ANXA3: variants seen among roughly 807,000 people sequenced by gnomAD.
The protein encoded by ANXA3 is annexin A3.
Under a neutral mutation model 48.8 loss-of-function variants are expected in ANXA3, and 46 were observed. The ratio of observed to expected loss-of-function variants is 0.94; its 90% confidence interval spans 0.74 to 1.21. The LOEUF is 1.21. ANXA3 is among the 50% of genes most tolerant of loss of function. The pLI is 0.00. For synonymous variants in ANXA3, 128 were observed against 134.7 expected, an observed-to-expected ratio of 0.95 and a Z score of 0.35; for missense variants, 383 against 378.6, an observed-to-expected ratio of 1.01 and a Z score of -0.10.
intron 3 of ANXA3, among the ~76,000 whole-genome samples, chr4:78,574,756 T>C (rs1375467867): frequency 1.3e-5 from 2 of 152,254 alleles, no homozygotes; most frequent in African/African-American, 2.4e-5. Context: ...GATGGGAATA[T>C]TGATGGAACA....
chr4:78,559,712 A>G (rs1296138115), intron 2 of ANXA3, among the ~76,000 whole-genome samples: 1 of 152,212 alleles, frequency 6.6e-6, no homozygotes, highest in Non-Finnish European at 1.5e-5. Flanking sequence ...AGAACTCCCT[A>G]ATCATTTAAA....
intron 2 of ANXA3, chr4:78,571,216 G>C (rs1242448385): frequency 6.6e-6 from 1 of 152,090 alleles, no homozygotes; most frequent in African/African-American, 2.4e-5. Flanking sequence ...TTACTGTGTT[G>C]CCCAGGCTGG....
In ANXA3 at chr4:78,586,318, A is replaced by C; in HGVS notation, c.371A>C (p.Gln124Pro). 6.2e-7 allele frequency: 1 copy of C among 1,613,668 alleles called. No homozygotes were observed. The highest frequency in any genetic ancestry group is 8.5e-7 in the Non-Finnish European group (1 of 1,179,738). ...IEILTTRTSR[Q>P]MKDISQAYYT... ...ATCTTAACTACCAGGACAAGCAGGC[A>C]AATGAAGGATATCTCTCAAGCCTAT... The change falls in exon 6 of 13, where the codon CAA becomes CCA. Residue 124 changes from glutamine (Q) to proline (P), a missense_variant. By Grantham distance (76) the Gln-to-Pro change is moderately conservative (BLOSUM62 -1). Coordinates refer to ENST00000264908, the MANE Select transcript of ANXA3 (RefSeq NM_005139.3).
chr4:78,566,043 T>C (rs1361237175), intron 2 of ANXA3, among the ~76,000 whole-genome samples: 5 of 152,138 alleles, frequency 3.3e-5, no homozygotes, highest in Non-Finnish European at 7.3e-5. Flanking sequence ...CACTTTAGAA[T>C]TGCGTATTTT....
At chr4:78,568,854 T>C (rs1159854602) in intron 2 of ANXA3, among the ~76,000 whole-genome samples, 1 of 152,172 alleles carries the variant, frequency 6.6e-6, no homozygotes, top group Non-Finnish European at 1.5e-5. Flanking sequence ...TATATTGTCT[T>C]GAAAAAGATG....
intron 2 of ANXA3, among the ~76,000 whole-genome samples, chr4:78,568,262 G>A (rs551350808): frequency 7.5e-4 from 114 of 152,188 alleles, no homozygotes; most frequent in African/African-American, 2.6e-3. Flanking sequence ...GCTTTTTACT[G>A]GAAAAATTGA....
intron 2 of ANXA3, among the ~76,000 whole-genome samples, chr4:78,556,405 A>G: frequency 6.6e-6 from 1 of 152,214 alleles, no homozygotes; most frequent in East Asian, 1.9e-4. Context: ...AAAATAAAAA[A>G]TTTACGGAAA....
At chr4:78,554,392 G>T in intron 1 of ANXA3, 44 bp from the exon 2 acceptor site, 2 of 1,297,738 alleles carry the variant, frequency 1.5e-6, no homozygotes, top group Non-Finnish European at 1.1e-6. Flanking sequence ...ATTGTGTTCT[G>T]AATCACATAT....
chr4:78,557,461 T>C lies in ANXA3; in HGVS notation c.15+2973T>C, dbSNP rs1722538625. On this transcript the variant is annotated intron_variant, in intron 2 of 12. Transcript: ENST00000264908. ...TCTTTCATCATGAAACACAATACAT[T>C]GACAATTCCCAAGGATTATGATGTA... 3.3e-5 allele frequency among the ~76,000 whole-genome samples: 5 copies of C among 152,176 alleles called. 1 individual carries two copies. The South Asian group carries it at 6.2e-4, about 19-fold the overall frequency.
chr4:78,575,257 G>A (rs187958562), intron 3 of ANXA3, among the ~76,000 whole-genome samples: 10 of 151,330 alleles, frequency 6.6e-5, no homozygotes. Flanking sequence ...CCTCAATACA[G>A]ACTTTTTAAA....
At chr4:78,565,094 A>G (rs1209076004) in intron 2 of ANXA3, among the ~76,000 whole-genome samples, 1 of 151,406 alleles carries the variant, frequency 6.6e-6, no homozygotes, top group African/African-American at 2.4e-5. Context: ...CCTGGGTTCA[A>G]GTGATTCTCC....
intron 2 of ANXA3, among the ~76,000 whole-genome samples, chr4:78,569,068 A>G (rs1223010284): frequency 6.6e-6 from 1 of 152,264 alleles, no homozygotes; most frequent in Non-Finnish European, 1.5e-5. Context: ...CTTGGCACAT[A>G]GTGATTAGCA....
chr4:78,561,638 C>T, intron 2 of ANXA3, among the ~76,000 whole-genome samples: 1 of 152,072 alleles, frequency 6.6e-6, no homozygotes, highest in Non-Finnish European at 1.5e-5. Context: ...TGAACTCCTC[C>T]TCTGGTCTCC....
intron 1 of ANXA3, 137 bp from the exon 2 acceptor site, chr4:78,554,299 G>A: frequency 1.5e-6 from 1 of 655,120 alleles, no homozygotes. Context: ...CCCAATGTCA[G>A]ATATATGCTC....
At chr4:78,602,416 C>T (rs547040821) in intron 11 of ANXA3, 1 of 152,186 alleles carries the variant, frequency 6.6e-6, no homozygotes, top group East Asian at 1.9e-4. Context: ...GAAGTATTGA[C>T]CACATTATTT....
At chr4:78,555,119 C>T (rs1337796512) in intron 2 of ANXA3, among the ~76,000 whole-genome samples, 1 of 152,150 alleles carries the variant, frequency 6.6e-6, no homozygotes, top group Admixed American at 6.5e-5. Context: ...GCAGGAGAAT[C>T]GCCTGAACCT....
At chr4:78,593,113 C>CCACACA (rs59972919) in intron 7 of ANXA3, among the ~76,000 whole-genome samples, 14,990 of 143,908 alleles carry the variant, frequency 0.1, 852 homozygotes, top group South Asian at 0.14. Flanking sequence ...AACACACATA[C>CCACACA]CACACACACA....
intron 2 of ANXA3, among the ~76,000 whole-genome samples, chr4:78,557,634 C>T (rs1045639042): frequency 3.3e-5 from 5 of 151,512 alleles, no homozygotes; most frequent in African/African-American, 1.2e-4. Context: ...GGCAAACCCA[C>T]ACGTGGAGAA....
At chr4:78,597,031 A>G (rs1013136303) in intron 9 of ANXA3, 1 of 228,522 alleles carries the variant, frequency 4.4e-6, no homozygotes. Flanking sequence ...TAAATTATTT[A>G]TTATTTAACT....
Sources: allele counts gnomAD v4.1 joint callset (sites outside exome capture counted in the v4.1 genomes callset), GRCh38; gene constraint gnomAD v4.1.1; transcripts MANE v1.5; gene names NCBI Gene and HGNC (gene_info 2026-07-23, HGNC 2026-07-21).